The following SAMD4A variants were observed in gnomAD, a reference collection of about 807,000 sequenced individuals.
The protein encoded by SAMD4A is sterile alpha motif domain containing 4A.
Under a neutral mutation model 81.3 loss-of-function variants are expected in SAMD4A, and 33 were observed. The observed-to-expected ratio is 0.41, with a 90% CI of 0.31 to 0.54. The LOEUF is 0.54. SAMD4A is among the 20% of genes least tolerant of loss of function. The pLI is 0.37. For synonymous variants in SAMD4A, 389 were observed against 382.1 expected (o/e 1.02, Z -0.21); for missense variants, 854 against 951.1 (o/e 0.90, Z 1.34).
At chr14:54,755,361 C>T (rs1267502582) in intron 6 of SAMD4A, among the ~76,000 whole-genome samples, 5 of 152,088 alleles carry the variant, frequency 3.3e-5, no homozygotes, top group Non-Finnish European at 5.9e-5. Flanking sequence ...GGTCTAGAGT[C>T]CAGGAGCCCC....
At position 54,626,059 on chromosome 14, in the gene SAMD4A, TGCGC is replaced by T. The variant is rs113491666; in HGVS notation, c.196+57961_196+57964del. On this transcript the variant is annotated intron_variant, in intron 2 of 12. Coordinates refer to ENST00000554335, the MANE Select transcript of SAMD4A (RefSeq NM_015589.6). ...GTGTGTGTGTGTGTGTGTGTGTGTG[TGCGC>T]GCGCGCGCGCGCGAGTGCGCACATG... is the stretch of plus-strand genomic sequence containing the variant. 8.4e-3 allele frequency among the ~76,000 whole-genome samples: 858 copies of T among 102,090 alleles called. 11 individuals are homozygous for T. Among genetic ancestry groups the T allele is most frequent in the African/African-American group, 0.032 (801 of 25,104 alleles). The allele number at this position is 102,090 out of a possible 152,430, so 67.0% of individuals were successfully genotyped here.
intron 2 of SAMD4A, among the ~76,000 whole-genome samples, chr14:54,676,360 C>CTTTT (rs2035993956): frequency 6.6e-6 from 1 of 151,972 alleles, no homozygotes; most frequent in African/African-American, 2.4e-5. Flanking sequence ...TTAGTACTTT[C>CTTTT]CTTTCTTTTC....
intron 2 of SAMD4A, among the ~76,000 whole-genome samples, chr14:54,591,247 G>T (rs2033766182): frequency 6.6e-6 from 1 of 152,148 alleles, no homozygotes; most frequent in African/African-American, 2.4e-5. Flanking sequence ...TTCTCAGCAA[G>T]GGTATTCCTA....
intron 2 of SAMD4A, among the ~76,000 whole-genome samples, chr14:54,637,166 A>G (rs1197170713): frequency 6.6e-6 from 1 of 151,906 alleles, no homozygotes; most frequent in African/African-American, 2.4e-5. Flanking sequence ...GGAGTTCGAG[A>G]CCAGCCTGGC....
intron 3 of SAMD4A, chr14:54,703,608 C>T (rs2036775159): frequency 6.6e-6 from 1 of 152,178 alleles, no homozygotes; most frequent in Admixed American, 6.5e-5. Flanking sequence ...AGACTCAGGC[C>T]TGTGATCCCA....
intron 2 of SAMD4A, among the ~76,000 whole-genome samples, chr14:54,632,250 G>T (rs987477028): frequency 1.3e-5 from 2 of 152,178 alleles, no homozygotes; most frequent in Non-Finnish European, 2.9e-5. Context: ...ATACGGTAAT[G>T]ATTTGGCTGT....
At chr14:54,713,732 C>T (rs1412778806) in intron 3 of SAMD4A, among the ~76,000 whole-genome samples, 1 of 151,736 alleles carries the variant, frequency 6.6e-6, no homozygotes, top group Non-Finnish European at 1.5e-5. Context: ...TAGTCTTCTG[C>T]TTTGCACAGT....
chr14:54,778,994 CA>C (rs1414453934), intron 11 of SAMD4A, among the ~76,000 whole-genome samples: 3 of 151,722 alleles, frequency 2.0e-5, no homozygotes, highest in Non-Finnish European at 4.4e-5. Context: ...TCCTTCCTCC[CA>C]AGGAGGCAGC....
rs1233134576 is a variant in SAMD4A at position 54,715,242 on chromosome 14, G to T, written c.715+12662G>T. On this transcript the variant is annotated intron_variant, in intron 3 of 12. Coordinates refer to ENST00000554335, the MANE Select transcript of SAMD4A (RefSeq NM_015589.6). ...AGTGAATTCACTTCCAACTCAGAGT[G>T]TGATCTTAAACTCACGGGGATTCTC... is the stretch of plus-strand genomic sequence containing the variant. Among the ~76,000 whole-genome samples, 4 of 152,102 alleles carry T rather than the reference G, an allele frequency of 2.6e-5. No individual in the cohort carries two copies. In the South Asian group the frequency reaches 6.2e-4, roughly 24 times the overall value.
chr14:54,601,022 A>C (rs1423499605), intron 2 of SAMD4A, among the ~76,000 whole-genome samples: 1 of 152,192 alleles, frequency 6.6e-6, no homozygotes, highest in Non-Finnish European at 1.5e-5. Flanking sequence ...GCTTCAGCTG[A>C]AATTGCCATT....
At chr14:54,617,298 G>C (rs918415595) in intron 2 of SAMD4A, among the ~76,000 whole-genome samples, 2 of 152,160 alleles carry the variant, frequency 1.3e-5, no homozygotes, top group African/African-American at 4.8e-5. Flanking sequence ...TTCAACAAAA[G>C]TAAATATAAC....
At chr14:54,724,208 A>G (rs2140877803) in intron 3 of SAMD4A, among the ~76,000 whole-genome samples, 1 of 152,310 alleles carries the variant, frequency 6.6e-6, no homozygotes, top group East Asian at 1.9e-4. Flanking sequence ...GATTGTTCAG[A>G]GTCAGGGTCA....
intron 2 of SAMD4A, among the ~76,000 whole-genome samples, chr14:54,578,843 A>G (rs1210350559): frequency 1.3e-5 from 2 of 152,134 alleles, no homozygotes; most frequent in Admixed American, 1.3e-4. Flanking sequence ...CAGTTTTTTT[A>G]TGGTAGTAGA....
At chr14:54,780,158 A>G (rs947098035) in intron 11 of SAMD4A, among the ~76,000 whole-genome samples, 5 of 152,186 alleles carry the variant, frequency 3.3e-5, no homozygotes, top group Non-Finnish European at 5.9e-5. Context: ...GAAAACCTTC[A>G]GAAGGGTAGG....
At position 54,700,484 on chromosome 14, in the gene SAMD4A, A is replaced by G. The variant is rs1340043241; in HGVS notation, c.197-1578A>G. Among the ~76,000 whole-genome samples the G allele has an allele frequency of 3.3e-5, 5 of 152,166 alleles. No individual in the cohort carries two copies. The East Asian group carries it at 9.6e-4, about 29-fold the overall frequency. The stretch of plus-strand genomic sequence containing the variant: ...GCACAGGCTGATGCATTTGTAGCTT[A>G]TGGTCAACAGTGATAACTGGGCTTG... On this transcript the variant is annotated intron_variant, in intron 2 of 12. Transcript: ENST00000554335.
chr14:54,686,509 T>G (rs961990526), intron 2 of SAMD4A, among the ~76,000 whole-genome samples: 4 of 152,062 alleles, frequency 2.6e-5, no homozygotes, highest in Non-Finnish European at 1.5e-5. Context: ...TCTGATTTTG[T>G]TTTTGTTTTT....
chr14:54,686,559 GA>G lies in SAMD4A; in HGVS notation c.197-15491del, dbSNP rs397780447. ...TTCCATCGGGCTCTTTGGCTAACCA[GA>G]AAAAAAAAAAATAGAGGAAGGGCTC... is the stretch of plus-strand genomic sequence containing the variant. On this transcript the variant is annotated intron_variant, in intron 2 of 12. Transcript: ENST00000554335. 7.7e-4 allele frequency among the ~76,000 whole-genome samples: 111 copies of G among 144,606 alleles called. 1 individual carries two copies. The highest frequency in any genetic ancestry group is 3.5e-3 in the Middle Eastern group (1 of 286). The allele number at this position is 144,606 out of a possible 152,430, so 94.9% of individuals were successfully genotyped here.
chr14:54,736,103 A>G (rs1182689567), intron 3 of SAMD4A, among the ~76,000 whole-genome samples: 2 of 152,242 alleles, frequency 1.3e-5, no homozygotes, highest in Non-Finnish European at 1.5e-5. Context: ...AACCAAGGGT[A>G]ACATCGGCTC....
intron 2 of SAMD4A, among the ~76,000 whole-genome samples, chr14:54,680,008 G>A (rs1457635092): frequency 1.3e-5 from 2 of 152,226 alleles, no homozygotes; most frequent in East Asian, 3.8e-4. Flanking sequence ...AAGAAAAGAT[G>A]GAGCATGTGT....
Sources: gnomAD v4.1 joint callset for allele counts (sites outside exome capture counted in the v4.1 genomes callset) on GRCh38, gnomAD v4.1.1 for gene constraint, MANE v1.5 for transcripts, NCBI Gene and HGNC (gene_info 2026-07-23, HGNC 2026-07-21) for gene names.